Variants in ATP2B1 observed in about 807,000 individuals in gnomAD.
ATP2B1 encodes plasma membrane calcium-transporting ATPase 1.
A neutral mutation model predicts 124.2 loss-of-function variants in ATP2B1; 14 were observed. The ratio of observed to expected loss-of-function variants is 0.11; its 90% CI spans 0.07 to 0.18. ATP2B1 has a LOEUF of 0.18. ATP2B1 is among the 10% of genes least tolerant of loss of function. The pLI, the probability that ATP2B1 is intolerant of heterozygous loss-of-function variation, is 1.00. For synonymous variants in ATP2B1, 449 were observed against 492.4 expected (o/e 0.91, Z 1.17); for missense variants, 763 against 1,466.1 (o/e 0.52, Z 7.83).
At chr12:89,632,784 C>T (rs756597669) in intron 5 of ATP2B1, among the ~76,000 whole-genome samples, 4 of 152,070 alleles carry the variant, frequency 2.6e-5, no homozygotes, top group Admixed American at 6.5e-5. Context: ...ACCCATACTG[C>T]GATAAGGGAC....
chr12:89,638,005 C>A (rs1276251531), intron 3 of ATP2B1, among the ~76,000 whole-genome samples: 2 of 151,930 alleles, frequency 1.3e-5, no homozygotes, highest in Admixed American at 1.3e-4. Flanking sequence ...TTCTACTCTA[C>A]ATCATACAGA....
chr12:89,705,762 G>A (rs1892376424), intron 1 of ATP2B1, among the ~76,000 whole-genome samples: 1 of 151,694 alleles, frequency 6.6e-6, no homozygotes, highest in Non-Finnish European at 1.5e-5. Flanking sequence ...GTTCGACAGA[G>A]AACACATAGC....
intron 2 of ATP2B1, among the ~76,000 whole-genome samples, chr12:89,654,444 T>C (rs1885700293): frequency 6.6e-6 from 1 of 152,164 alleles, no homozygotes; most frequent in Non-Finnish European, 1.5e-5. Context: ...TGGTTCCAAT[T>C]TGAAAAGATA....
At chr12:89,690,313 CAAT>C (rs1246715677) in intron 1 of ATP2B1, among the ~76,000 whole-genome samples, 2 of 150,024 alleles carry the variant, frequency 1.3e-5, no homozygotes, top group Non-Finnish European at 3.0e-5. Context: ...AAAATATCCT[CAAT>C]GATGGCAAAT....
At chr12:89,657,655 T>C (rs1886119790) in intron 1 of ATP2B1, among the ~76,000 whole-genome samples, 1 of 152,220 alleles carries the variant, frequency 6.6e-6, no homozygotes, top group African/African-American at 2.4e-5. Context: ...AGAGAATCAG[T>C]TAGATTGCTG....
chr12:89,593,611 C>A lies in ATP2B1; in HGVS notation c.3352-2316G>T, dbSNP rs1350841898. On this transcript the variant is annotated intron_variant, in intron 20 of 20. Coordinates refer to ENST00000428670, the MANE Select transcript of ATP2B1 (RefSeq NM_001366521.1). ...CTAGAGCTCAGAAGAAAAGTGTAAA[C>A]TTAAGTTAGAGATTTGAGAGTTAGT... The A allele has an allele frequency of 1.3e-5, 2 of 151,914 alleles. 1 individual carries two copies. Among genetic ancestry groups the A allele is most frequent in the Middle Eastern group, 6.3e-3 (2 of 316 alleles). The allele number at this position is 151,914 out of a possible 1,614,324, so 9.4% of individuals were successfully genotyped here.
chr12:89,624,500 T>C (rs1344244266), intron 8 of ATP2B1, 103 bp from the exon 9 acceptor site: 16 of 924,134 alleles, frequency 1.7e-5, no homozygotes, highest in Admixed American at 1.2e-4. Flanking sequence ...ACTTGCTTGA[T>C]AGTATTGAAT....
intron 2 of ATP2B1, among the ~76,000 whole-genome samples, chr12:89,652,490 T>A (rs963511066): frequency 1.9e-4 from 29 of 152,352 alleles, no homozygotes; most frequent in African/African-American, 7.0e-4. Context: ...ATTCATGTAC[T>A]TTGAAGAATC....
chr12:89,676,483 G>A (rs547223175), intron 1 of ATP2B1, among the ~76,000 whole-genome samples: 1 of 151,838 alleles, frequency 6.6e-6, no homozygotes, highest in Non-Finnish European at 1.5e-5. Context: ...GTAGAGACAG[G>A]GTCTCACTAC....
chr12:89,664,214 T>C (rs1039231094), intron 1 of ATP2B1, among the ~76,000 whole-genome samples: 1 of 152,144 alleles, frequency 6.6e-6, no homozygotes, highest in Non-Finnish European at 1.5e-5. Context: ...TATAAAGAAA[T>C]ATGCCAGCCC....
intron 3 of ATP2B1, among the ~76,000 whole-genome samples, chr12:89,641,613 T>C (rs992896080): frequency 1.3e-5 from 2 of 152,200 alleles, no homozygotes; most frequent in Admixed American, 6.5e-5. Context: ...CACTCAAAAA[T>C]TTTGAATTTC....
At position 89,623,337 on chromosome 12, in the gene ATP2B1, A is replaced by T. The variant is rs184991798; in HGVS notation, c.1344+846T>A. On this transcript the variant is annotated intron_variant, in intron 9 of 20. Transcript: ENST00000428670. ...TCATTTTGAAAAAAAAAAAGTTCAAAATTGTCCAAGCTACATCTTTTTTTT... is the reference window on the plus strand; with the variant it reads ...TCATTTTGAAAAAAAAAAAGTTCAATATTGTCCAAGCTACATCTTTTTTTT... Among the ~76,000 whole-genome samples, 8 of 152,042 alleles carry T rather than the reference A, an allele frequency of 5.3e-5. No homozygotes were observed. The East Asian group carries it at 1.5e-3, about 29-fold the overall frequency.
chr12:89,604,793 A>C (rs1876514000), intron 15 of ATP2B1, among the ~76,000 whole-genome samples: 1 of 152,058 alleles, frequency 6.6e-6, no homozygotes, highest in African/African-American at 2.4e-5. Flanking sequence ...AGACACAAGA[A>C]AGCTGAATCC....
chr12:89,677,011 AAAC>A (rs984800681), intron 1 of ATP2B1, among the ~76,000 whole-genome samples: 13 of 147,224 alleles, frequency 8.8e-5, no homozygotes, highest in African/African-American at 3.2e-4. Flanking sequence ...TCTCAAAAAT[AAAC>A]ACCACCACCA....
At chr12:89,700,033 T>TC (rs1891649008) in intron 1 of ATP2B1, among the ~76,000 whole-genome samples, 1 of 150,150 alleles carries the variant, frequency 6.7e-6, no homozygotes, top group Admixed American at 6.6e-5. Flanking sequence ...TTTTTTTTTT[T>TC]AGTAGAGATG....
chr12:89,662,010 T>C (rs546681076), intron 1 of ATP2B1, among the ~76,000 whole-genome samples: 73 of 152,298 alleles, frequency 4.8e-4, no homozygotes, highest in African/African-American at 1.7e-3. Context: ...AAGGTTTGGA[T>C]AGTATACCAC....
intron 1 of ATP2B1, among the ~76,000 whole-genome samples, chr12:89,656,390 C>T (rs540737716): frequency 7.2e-5 from 11 of 152,260 alleles, no homozygotes; most frequent in South Asian, 2.1e-4. Context: ...TGTTATTGTT[C>T]CAAGCACTAT....
chr12:89,694,333 CT>C lies in ATP2B1; in HGVS notation c.-222+14262del, dbSNP rs532679505. ...TCCCCAATGCCACTATAATCTATGA[CT>C]TTTAATGACAACCTCAAACTCCTTC... is the stretch of plus-strand genomic sequence containing the variant. On this transcript the variant is annotated intron_variant, in intron 1 of 20. Transcript: ENST00000428670. Among the ~76,000 whole-genome samples, 65 of 152,312 alleles carry C rather than the reference CT, an allele frequency of 4.3e-4. No homozygotes were observed. The South Asian group carries it at 0.012, about 27-fold the overall frequency.
At chr12:89,604,841 C>A (rs1876523413) in intron 15 of ATP2B1, among the ~76,000 whole-genome samples, 1 of 139,346 alleles carries the variant, frequency 7.2e-6, no homozygotes, top group South Asian at 2.5e-4. Flanking sequence ...AGCCCCCTTT[C>A]CCCCCAACAA....
Sources: allele counts gnomAD v4.1 joint callset (sites outside exome capture counted in the v4.1 genomes callset), GRCh38; gene constraint gnomAD v4.1.1; transcripts MANE v1.5; gene names NCBI Gene and HGNC (gene_info 2026-07-23, HGNC 2026-07-21).